CDH12: variants seen among roughly 807,000 people sequenced by gnomAD.
CDH12 encodes the protein cadherin 12, also known as cadherin-12.
Under a neutral mutation model 74.1 loss-of-function variants are expected in CDH12, and 41 were observed. That is an observed-to-expected ratio of 0.55 (90% CI 0.43 to 0.72). The LOEUF is 0.72. Among genes scored for constraint, CDH12 ranks in the 30% least tolerant of loss-of-function variants. The pLI, the probability that CDH12 is intolerant of heterozygous loss-of-function variation, is 0.00. For synonymous variants in CDH12, 399 were observed against 355.0 expected, an observed-to-expected ratio of 1.12 and a Z score of -1.39; for missense variants, 945 against 977.2, an observed-to-expected ratio of 0.97 and a Z score of 0.44.
intron 3 of CDH12, among the ~76,000 whole-genome samples, chr5:22,404,032 C>A (rs1388939216): frequency 6.6e-6 from 1 of 151,972 alleles, no homozygotes; most frequent in African/African-American, 2.4e-5. Context: ...TAAAATTGAA[C>A]AAAATTGAGG....
chr5:21,794,937 C>A (rs971673600), intron 10 of CDH12, among the ~76,000 whole-genome samples: 2 of 151,360 alleles, frequency 1.3e-5, no homozygotes, highest in African/African-American at 2.4e-5. Flanking sequence ...TAGAAAATTA[C>A]TTTTATTTTT....
chr5:22,545,929 G>T (rs1475713545), intron 1 of CDH12, among the ~76,000 whole-genome samples: 1 of 148,980 alleles, frequency 6.7e-6, no homozygotes, highest in African/African-American at 2.5e-5. Context: ...CTAGATTTTT[G>T]TTGTTGTTGT....
At chr5:22,415,760 A>C (rs927176504) in intron 2 of CDH12, among the ~76,000 whole-genome samples, 1 of 152,212 alleles carries the variant, frequency 6.6e-6, no homozygotes, top group African/African-American at 2.4e-5. Flanking sequence ...AGTTTTACTG[A>C]TACAAAAATT....
chr5:21,957,263 T>C (rs1312063343), intron 6 of CDH12, among the ~76,000 whole-genome samples: 1 of 152,140 alleles, frequency 6.6e-6, no homozygotes, highest in Non-Finnish European at 1.5e-5. Context: ...TCTCATTCTT[T>C]TTTATAGCTC....
chr5:21,813,656 GC>G (rs1203293970), intron 9 of CDH12, among the ~76,000 whole-genome samples: 2 of 152,176 alleles, frequency 1.3e-5, no homozygotes, highest in East Asian at 3.9e-4. Context: ...CTTCATTCCA[GC>G]CCCACTGGCC....
chr5:22,782,486 G>A (rs547726741), intron 1 of CDH12, among the ~76,000 whole-genome samples: 46 of 152,142 alleles, frequency 3.0e-4, no homozygotes, highest in African/African-American at 8.9e-4. Context: ...TTTGCTTTCC[G>A]TCATAATTGT....
At chr5:22,610,927 A>G (rs189333873) in intron 1 of CDH12, among the ~76,000 whole-genome samples, 13 of 152,220 alleles carry the variant, frequency 8.5e-5, no homozygotes, top group Admixed American at 5.9e-4. Context: ...GATGTATACG[A>G]GGCATTAATA....
chr5:22,783,631 C>T (rs187648673), intron 1 of CDH12, among the ~76,000 whole-genome samples: 1 of 152,148 alleles, frequency 6.6e-6, no homozygotes, highest in Non-Finnish European at 1.5e-5. Flanking sequence ...ACATATGATG[C>T]TGTTGGACTT....
intron 5 of CDH12, among the ~76,000 whole-genome samples, chr5:22,069,123 T>C (rs1469864834): frequency 1.3e-5 from 2 of 152,208 alleles, no homozygotes; most frequent in Admixed American, 6.5e-5. Flanking sequence ...CTGTGACCTA[T>C]AGAATGCCTT....
chr5:22,670,201 A>G (rs1342103708), intron 1 of CDH12, among the ~76,000 whole-genome samples: 2 of 151,958 alleles, frequency 1.3e-5, no homozygotes, highest in East Asian at 3.9e-4. Context: ...TTTGTTTTAG[A>G]GAGAGAGACT....
In CDH12 at chr5:21,751,150, C is replaced by A. The variant is rs1472216933; in HGVS notation, c.*587G>T. The A allele has an allele frequency of 6.6e-6, 1 of 152,468 alleles. No homozygotes were observed. Among genetic ancestry groups the A allele is most frequent in the Non-Finnish European group, 1.5e-5 (1 of 68,052 alleles). The allele number at this position is 152,468 out of a possible 1,614,324, so 9.4% of individuals were successfully genotyped here. A position where few individuals can be genotyped will look rare whatever the true frequency, so the allele number is the denominator to read the frequency against. On this transcript the variant is annotated 3_prime_UTR_variant, in exon 15 of 15. Coordinates refer to ENST00000382254, the MANE Select transcript of CDH12 (RefSeq NM_004061.5). ...TACAGTTTAAAAAAGAAAAAGAAAA[C>A]CTTTTGAATTAGAAGAAGGTGGAGA...
intron 4 of CDH12, among the ~76,000 whole-genome samples, chr5:22,081,394 G>C (rs1404421693): frequency 6.6e-6 from 1 of 152,030 alleles, no homozygotes; most frequent in African/African-American, 2.4e-5. Flanking sequence ...AACCTCCAAG[G>C]TGTATTAATT....
At chr5:22,044,163 C>T (rs1192317320) in intron 5 of CDH12, among the ~76,000 whole-genome samples, 1 of 152,160 alleles carries the variant, frequency 6.6e-6, no homozygotes, top group Non-Finnish European at 1.5e-5. Flanking sequence ...CTGTAGTCAT[C>T]ATACTTCCTG....
intron 3 of CDH12, among the ~76,000 whole-genome samples, chr5:22,315,351 G>A (rs1277561027): frequency 6.6e-6 from 1 of 151,898 alleles, no homozygotes; most frequent in Non-Finnish European, 1.5e-5. Flanking sequence ...TGGAGTCCAT[G>A]CAGATAGCTT....
chr5:22,191,690 A>G (rs1039445767), intron 4 of CDH12, among the ~76,000 whole-genome samples: 3 of 139,660 alleles, frequency 2.1e-5, no homozygotes, highest in South Asian at 2.4e-4. Context: ...TCAGCCTCCC[A>G]AGTAGCTGGG....
intron 3 of CDH12, among the ~76,000 whole-genome samples, chr5:22,366,287 T>C (rs1741028290): frequency 6.6e-6 from 1 of 151,870 alleles, no homozygotes; most frequent in Admixed American, 6.6e-5. Context: ...ATATTTATTC[T>C]TTCTTTTTTT....
At chr5:22,544,706 A>G (rs1463623479) in intron 1 of CDH12, among the ~76,000 whole-genome samples, 1 of 152,094 alleles carries the variant, frequency 6.6e-6, no homozygotes, top group African/African-American at 2.4e-5. Context: ...AGTATCAGCT[A>G]CTACAGAGGC....
At chr5:21,882,594 G>C (rs1487977224) in intron 6 of CDH12, 2 of 1,594,174 alleles carry the variant, frequency 1.3e-6, no homozygotes, top group Non-Finnish European at 1.7e-6. Context: ...GAAATGCTTC[G>C]GTTACCCACA....
At chr5:21,867,202 C>G (rs1579863569) in intron 6 of CDH12, among the ~76,000 whole-genome samples, 1 of 151,906 alleles carries the variant, frequency 6.6e-6, no homozygotes, top group East Asian at 1.9e-4. Flanking sequence ...TAAAAATACA[C>G]AAATTAGCCA....
Sources: allele counts gnomAD v4.1 joint callset (sites outside exome capture counted in the v4.1 genomes callset), GRCh38; gene constraint gnomAD v4.1.1; transcripts MANE v1.5; gene names NCBI Gene and HGNC (gene_info 2026-07-23, HGNC 2026-07-21).